PCED1A: variants seen among roughly 807,000 people sequenced by gnomAD.
The protein encoded by PCED1A is PC-esterase domain containing 1A, also known as PC-esterase domain-containing protein 1A.
A neutral mutation model predicts 41.9 loss-of-function variants in PCED1A; 20 were observed. The ratio of observed to expected loss-of-function variants is 0.48; its 90% CI spans 0.34 to 0.69. The LOEUF is 0.69. PCED1A is among the 30% of genes least tolerant of loss of function. The pLI is 0.01. For missense variants in PCED1A, 498 were observed against 602.1 expected (o/e 0.83, Z 1.81); for synonymous variants, 236 against 241.3 (o/e 0.98, Z 0.20).
In PCED1A at chr20:2,839,029, C is replaced by T. The variant is rs2146617637; in HGVS notation, c.258G>A (p.Glu86=). The T allele has an allele frequency of 1.2e-6, 2 of 1,613,764 alleles. No individual in the cohort carries two copies. Among genetic ancestry groups the T allele is most frequent in the Non-Finnish European group, 1.7e-6 (2 of 1,180,016 alleles). ...DQLVAGGQLG[E]LHNGTQYREV... ...CACGATACTGTGTCCCGTTGTGCAG[C>T]TCGCCCAGCTGGCCCCCAGCCACCA... The change falls in exon 4 of 8, where the codon GAG becomes GAA. Residue 86 remains glutamate (E), a synonymous_variant. Coordinates refer to ENST00000360652, the MANE Select transcript of PCED1A (RefSeq NM_022760.6).
rs2088925160 is a variant in PCED1A, at chr20:2,839,992, G to C, written c.-21-59C>G. 4 of 1,511,464 alleles carry C rather than the reference G, an allele frequency of 2.6e-6. No individual in the cohort carries two copies. The Admixed American group carries it at 8.3e-5, about 31-fold the overall frequency. The allele number at this position is 1,511,464 out of a possible 1,614,324, so 93.6% of individuals were successfully genotyped here. Reference sequence around the variant, plus strand: ...GGGGACTCTGGGCAGGTCAGCCTCAGGGCTAGCCCCTCCGGGGCTGCTCAA... The same window carrying C: ...GGGGACTCTGGGCAGGTCAGCCTCACGGCTAGCCCCTCCGGGGCTGCTCAA... On this transcript the variant is annotated intron_variant, in intron 1 of 7. Coordinates refer to ENST00000360652, the MANE Select transcript of PCED1A (RefSeq NM_022760.6).
At chr20:2,837,397 T>C (rs1456336212) in intron 6 of PCED1A, among the ~76,000 whole-genome samples, 1 of 152,170 alleles carries the variant, frequency 6.6e-6, no homozygotes, top group East Asian at 1.9e-4. Flanking sequence ...CTGTTGATAC[T>C]GTGTACAGGG....
intron 1 of PCED1A, 53 bp from the exon 2 acceptor site, chr20:2,839,986 G>A: frequency 2.0e-6 from 3 of 1,532,998 alleles, no homozygotes; most frequent in Non-Finnish European, 2.6e-6. Flanking sequence ...GGGCAGGTCA[G>A]CCTCAGGGCT....
At chr20:2,836,643 G>C (rs566270873) in intron 6 of PCED1A, among the ~76,000 whole-genome samples, 8 of 152,236 alleles carry the variant, frequency 5.3e-5, no homozygotes, top group African/African-American at 1.9e-4. Flanking sequence ...TAAAGATCCT[G>C]TTATTCCCTT....
chr20:2,839,999 C>A (rs372388641), intron 1 of PCED1A, 66 bp from the exon 2 acceptor site: 11 of 1,485,674 alleles, frequency 7.4e-6, no homozygotes, highest in East Asian at 7.2e-5. Flanking sequence ...TCAGGGCTAG[C>A]CCCTCCGGGG....
In PCED1A at chr20:2,836,121, A is replaced by G. The variant is rs2088827706; in HGVS notation, c.1035T>C (p.Pro345=). ...PLFPPLPQDT[P]FFPGQPFPPH... ...GTGGGAAGGGCTGGCCTGGGAAAAA[A>G]GGGGTATCCTGGGGCAGGGGTGGGA... Residue 345 remains proline (P), a synonymous_variant, in exon 7 of 8, where the codon CCT becomes CCC. Coordinates refer to ENST00000360652, the MANE Select transcript of PCED1A (RefSeq NM_022760.6). The G allele has an allele frequency of 1.8e-6, 2 of 1,089,546 alleles. No homozygotes were observed. Among genetic ancestry groups the G allele is most frequent in the Non-Finnish European group, 2.5e-6 (2 of 792,972 alleles). The allele number at this position is 1,089,546 out of a possible 1,614,324, so 67.5% of individuals were successfully genotyped here.
Position 2,838,117 on chromosome 20 carries a change from G to T in PCED1A, c.841+115C>A. The T allele has an allele frequency of 6.8e-7, 1 of 1,478,626 alleles. No homozygotes were observed. 91.6% of individuals were successfully genotyped at this position (1,478,626 alleles called of 1,614,324 possible). ...AGGAAGGTGCATGCAGAAGCCACAG[G>T]AGTCCTTCAAGGGACCTCTACTTCC... On this transcript the variant is annotated intron_variant, in intron 6 of 7. Coordinates refer to ENST00000360652, the MANE Select transcript of PCED1A (RefSeq NM_022760.6). This position sits in a 1 kb window ranked among gnomAD's most constrained non-coding sequence, Gnocchi z 5.8.
At chr20:2,840,834 T>TGGGGG, upstream of PCED1A, 1 of 1,538,680 alleles carries the variant, frequency 6.5e-7, no homozygotes, top group Non-Finnish European at 8.8e-7. Flanking sequence ...ACCGGTGAGC[T>TGGGGG]GCCCCGCCCT....
chr20:2,836,447 A>G, intron 6 of PCED1A, 133 bp from the exon 7 acceptor site: 1 of 792,836 alleles, frequency 1.3e-6, no homozygotes. Context: ...CTTGCCCTCT[A>G]CCCAGTTTTC....
intron 6 of PCED1A, among the ~76,000 whole-genome samples, chr20:2,837,870 T>C (rs2088861843): frequency 6.6e-6 from 1 of 152,236 alleles, no homozygotes; most frequent in African/African-American, 2.4e-5. Flanking sequence ...TCTGCCACAC[T>C]GCCTGGATGG....
chr20:2,839,709 G>C, intron 2 of PCED1A, 80 bp downstream of exon 2: 1 of 1,562,174 alleles, frequency 6.4e-7, no homozygotes, highest in Non-Finnish European at 8.7e-7. Flanking sequence ...AGAGATGTGA[G>C]ATGGAAACAA....
In PCED1A at chr20:2,836,307, C is replaced by CCA; in HGVS notation, c.847_848dup (p.Trp283CysfsTer9). ...GATTCATCTCTGCCCAGTCCTCAATCCACGGGTCTAGGAATGGGATGGTTG... is the reference window on the plus strand; with the variant it reads ...GATTCATCTCTGCCCAGTCCTCAATCCACACGGGTCTAGGAATGGGATGGTTG... On this transcript the variant is annotated frameshift_variant, in exon 7 of 8. Transcript: ENST00000360652. LOFTEE classifies it high-confidence loss of function. 1 of 1,614,058 alleles carries CCA rather than the reference C, an allele frequency of 6.2e-7. No homozygotes were observed. Among genetic ancestry groups the CCA allele is most frequent in the Non-Finnish European group, 8.5e-7 (1 of 1,179,970 alleles).
intron 2 of PCED1A, 34 bp from the exon 3 acceptor site, chr20:2,839,305 G>A (rs771487523): frequency 3.8e-5 from 61 of 1,588,958 alleles, no homozygotes; most frequent in Non-Finnish European, 5.2e-5. Flanking sequence ...GGCTGAGGCA[G>A]ACCTCAGCCT....
chr20:2,835,350 A>G lies in PCED1A; in HGVS notation c.*112T>C. 1 of 1,334,780 alleles carries G rather than the reference A, an allele frequency of 7.5e-7. No individual in the cohort carries two copies. Among genetic ancestry groups the G allele is most frequent in the Non-Finnish European group, 1.0e-6 (1 of 997,212 alleles). 82.7% of individuals were successfully genotyped at this position (1,334,780 alleles called of 1,614,324 possible). On this transcript the variant is annotated 3_prime_UTR_variant, in exon 8 of 8. Coordinates refer to ENST00000360652, the MANE Select transcript of PCED1A (RefSeq NM_022760.6). ...GTTCTTCCATGCCTTTATTGGTGAC[A>G]GCAATGGACAAGAACAATACCAGGC...
Position 2,838,849 on chromosome 20 carries a change from G to C in PCED1A, c.438C>G (p.Leu146=). Reference sequence around the variant, plus strand: ...CCCCTTTCCCTCGCCCCAACCTGGAGAGATCCCAGAGGCAGGAGTTGATGA... The same window carrying C: ...CCCCTTTCCCTCGCCCCAACCTGGACAGATCCCAGAGGCAGGAGTTGATGA... ...LVIINSCLWD[L]SRYGRCSMES... The change falls in exon 4 of 8, where the codon CTC becomes CTG. Residue 146 remains leucine (L), a synonymous_variant. Coordinates refer to ENST00000360652, the MANE Select transcript of PCED1A (RefSeq NM_022760.6). This position sits in a 1 kb window ranked among gnomAD's most constrained non-coding sequence, Gnocchi z 5.8. The C allele has an allele frequency of 6.2e-7, 1 of 1,614,192 alleles. No homozygotes were observed. Among genetic ancestry groups the C allele is most frequent in the Non-Finnish European group, 8.5e-7 (1 of 1,180,034 alleles).
rs1461176082 is a variant in PCED1A, at chr20:2,838,843, C to A, written c.443+1G>T. The A allele has an allele frequency of 6.2e-7, 1 of 1,614,092 alleles. No individual in the cohort carries two copies. The highest frequency in any genetic ancestry group is 8.5e-7 in the Non-Finnish European group (1 of 1,180,046). ...AGTATTCCCCTTTCCCTCGCCCCAA[C>A]CTGGAGAGATCCCAGAGGCAGGAGT... is the stretch of plus-strand genomic sequence containing the variant. On this transcript the variant is annotated splice_donor_variant, in intron 4 of 7. Transcript: ENST00000360652. LOFTEE classifies it high-confidence loss of function. This position sits in a 1 kb window ranked among gnomAD's most constrained non-coding sequence, Gnocchi z 5.8.
chr20:2,835,751 G>A (rs373677278), intron 7 of PCED1A, 42 bp from the exon 8 acceptor site: 2 of 1,517,056 alleles, frequency 1.3e-6, no homozygotes, highest in Non-Finnish European at 1.8e-6. Context: ...CTTCTGGCCA[G>A]AGTGAGTGCA....
intron 1 of PCED1A, 32 bp from the exon 2 acceptor site, chr20:2,839,965 G>A: frequency 6.4e-7 from 1 of 1,574,546 alleles, no homozygotes; most frequent in Non-Finnish European, 8.6e-7. Flanking sequence ...CAGCGCGATG[G>A]TGGGGACTCT....
At position 2,839,876 on chromosome 20, in the gene PCED1A, G is replaced by A. The variant is rs751767733; in HGVS notation, c.37C>T (p.Pro13Ser). The A allele has an allele frequency of 1.4e-5, 23 of 1,613,906 alleles. No individual in the cohort carries two copies. The highest frequency in any genetic ancestry group is 1.0e-5 in the Non-Finnish European group (12 of 1,180,014). Residue 13 changes from proline (P) to serine (S), a missense_variant, in exon 2 of 8, where the codon CCG (proline) becomes TCG (serine). Physicochemically the swap from Pro to Ser is moderately conservative, Grantham distance 74. Transcript: ENST00000360652. The part of the protein sequence containing the change: ...FCLSSEEPRR[P>S]LRSDMVHFQA... ...AAGTGGACCATGTCGCTTCGCAGCG[G>A]GCGGCGCGGCTCCTCGCTCGACAGA...
Sources: allele counts gnomAD v4.1 joint callset (sites outside exome capture counted in the v4.1 genomes callset), GRCh38; gene constraint gnomAD v4.1.1; non-coding constraint Gnocchi (gnomAD v3.1); transcripts MANE v1.5; gene names NCBI Gene and HGNC (gene_info 2026-07-23, HGNC 2026-07-21).